The following PALLD variants were observed in gnomAD, a reference collection of about 807,000 sequenced individuals.
The protein encoded by PALLD is palladin.
Under a neutral mutation model 123.5 loss-of-function variants are expected in PALLD, and 61 were observed. The observed-to-expected ratio is 0.49, with a 90% confidence interval of 0.40 to 0.61. PALLD has a LOEUF of 0.61. PALLD is among the 20% of genes least tolerant of loss of function. The pLI is 0.00. For synonymous variants in PALLD, 465 were observed against 496.4 expected (o/e 0.94, Z 0.84); for missense variants, 1,273 against 1,377.0 (o/e 0.92, Z 1.20).
intron 10 of PALLD, among the ~76,000 whole-genome samples, chr4:168,850,767 G>A (rs1297685249): frequency 6.6e-6 from 1 of 151,612 alleles, no homozygotes. Flanking sequence ...CCTGACCTCA[G>A]GTGATCCGCC....
At chr4:168,563,780 G>T (rs1768091657) in intron 2 of PALLD, among the ~76,000 whole-genome samples, 1 of 152,130 alleles carries the variant, frequency 6.6e-6, no homozygotes, top group South Asian at 2.1e-4. Context: ...CTTTCTCAAG[G>T]CATTGATTGT....
chr4:168,918,338 A>ATATATT (rs1488154246), intron 17 of PALLD, among the ~76,000 whole-genome samples: 14 of 151,492 alleles, frequency 9.2e-5, no homozygotes, highest in African/African-American at 3.4e-4. Context: ...ATATATATAT[A>ATATATT]TACATACATA....
At chr4:168,736,727 T>C (rs1581209183) in intron 10 of PALLD, among the ~76,000 whole-genome samples, 1 of 152,122 alleles carries the variant, frequency 6.6e-6, no homozygotes, top group Non-Finnish European at 1.5e-5. Context: ...GTGAGGGAGC[T>C]AACAAGCGGA....
intron 6 of PALLD, among the ~76,000 whole-genome samples, chr4:168,688,092 G>T (rs565966769): frequency 4.6e-5 from 7 of 152,256 alleles, no homozygotes; most frequent in African/African-American, 1.7e-4. Flanking sequence ...TCTCTGATTT[G>T]CAGGGTCCTT....
intron 3 of PALLD, among the ~76,000 whole-genome samples, chr4:168,671,308 C>A (rs146239133): frequency 6.6e-6 from 1 of 152,298 alleles, no homozygotes; most frequent in East Asian, 1.9e-4. Context: ...CCTTTCAAAT[C>A]ATCTGCCTCA....
At chr4:168,907,160 TG>T (rs1354545745) in intron 15 of PALLD, among the ~76,000 whole-genome samples, 2 of 152,032 alleles carry the variant, frequency 1.3e-5, no homozygotes, top group Non-Finnish European at 2.9e-5. Flanking sequence ...AAATAGTACA[TG>T]TAAAAAGCAT....
chr4:168,785,850 T>G (rs866322091), intron 10 of PALLD, among the ~76,000 whole-genome samples: 29 of 114,574 alleles, frequency 2.5e-4, no homozygotes, highest in East Asian at 4.2e-4. Flanking sequence ...TGTAGAGATA[T>G]ATATATATAT....
intron 3 of PALLD, among the ~76,000 whole-genome samples, chr4:168,678,781 G>A (rs934192946): frequency 2.6e-5 from 4 of 151,884 alleles, no homozygotes; most frequent in African/African-American, 9.7e-5. Flanking sequence ...GTATGTGTGT[G>A]TGTGTGTGTG....
chr4:168,840,612 A>C (rs1233517817), intron 10 of PALLD, among the ~76,000 whole-genome samples: 3 of 152,204 alleles, frequency 2.0e-5, no homozygotes, highest in African/African-American at 7.2e-5. Context: ...GACTCAGGGT[A>C]CAAATGAACA....
intron 3 of PALLD, among the ~76,000 whole-genome samples, chr4:168,675,545 A>T (rs1266431708): frequency 2.0e-5 from 3 of 152,178 alleles, no homozygotes; most frequent in Admixed American, 6.5e-5. Context: ...AACTTTGGCC[A>T]TTCTTCGTGT....
chr4:168,777,355 C>A (rs1735308984), intron 10 of PALLD, among the ~76,000 whole-genome samples: 1 of 152,120 alleles, frequency 6.6e-6, no homozygotes, highest in Admixed American at 6.6e-5. Flanking sequence ...GCTCCATTGT[C>A]CAGTCTTGAC....
intron 2 of PALLD, among the ~76,000 whole-genome samples, chr4:168,532,487 GA>G (rs1470153493): frequency 6.6e-6 from 1 of 151,750 alleles, no homozygotes; most frequent in African/African-American, 2.4e-5. Flanking sequence ...GTTATCTCAA[GA>G]AAAAACTTTA....
In PALLD at chr4:168,890,914, T is replaced by C. The variant is rs1374341509; in HGVS notation, c.1965-8T>C. 4 of 1,613,884 alleles carry C rather than the reference T, an allele frequency of 2.5e-6. No individual in the cohort carries two copies. The highest frequency in any genetic ancestry group is 3.4e-6 in the Non-Finnish European group (4 of 1,179,912). ...CTAACTATACTGCCTTGTGTTTTTA[T>C]CCTGCAGAGGATTTCCAAAGAAGGC... On this transcript the variant is annotated splice_region_variant and splice_polypyrimidine_tract_variant and intron_variant, in intron 10 of 21. Coordinates refer to ENST00000505667, the MANE Select transcript of PALLD (RefSeq NM_001166108.2).
At chr4:168,847,822 C>A (rs1452178807) in intron 10 of PALLD, among the ~76,000 whole-genome samples, 1 of 152,010 alleles carries the variant, frequency 6.6e-6, no homozygotes, top group Non-Finnish European at 1.5e-5. Context: ...TCCAGTTATA[C>A]TCTTATACTT....
At chr4:168,604,409 C>T (rs1156844532) in intron 2 of PALLD, among the ~76,000 whole-genome samples, 3 of 152,186 alleles carry the variant, frequency 2.0e-5, no homozygotes, top group Non-Finnish European at 4.4e-5. Flanking sequence ...CTCATAAAAT[C>T]TCATACATGG....
At chr4:168,514,192 G>A (rs1213041781) in intron 2 of PALLD, among the ~76,000 whole-genome samples, 1 of 152,126 alleles carries the variant, frequency 6.6e-6, no homozygotes, top group Non-Finnish European at 1.5e-5. Context: ...GCTAAAGATT[G>A]AATTGAAACA....
Position 168,894,606 on chromosome 4 carries a change from C to G in PALLD, c.2128C>G (p.Arg710Gly). The G allele has an allele frequency of 6.2e-7, 1 of 1,613,226 alleles. No individual in the cohort carries two copies. The highest frequency in any genetic ancestry group is 1.1e-5 in the South Asian group (1 of 91,022). ...GTTAACATACGAAGAAAGAATGGCTCGTCGACTGCTAGGTGCTGACAGTGC... is the reference window on the plus strand; with the variant it reads ...GTTAACATACGAAGAAAGAATGGCTGGTCGACTGCTAGGTGCTGACAGTGC... ...PRLTYEERMA[R>G]RLLGADSATV... Residue 710 changes from arginine to glycine, a missense_variant, in exon 12 of 22, where the codon CGT becomes GGT. Physicochemically the swap from Arg to Gly is moderately radical, Grantham distance 125. This residue lies in a region of PALLD where 944 missense variants were observed against 954.5 expected (regional missense o/e 0.99). Coordinates refer to ENST00000505667, the MANE Select transcript of PALLD (RefSeq NM_001166108.2).
intron 10 of PALLD, among the ~76,000 whole-genome samples, chr4:168,806,269 G>A (rs1192048298): frequency 1.3e-5 from 2 of 152,154 alleles, no homozygotes; most frequent in African/African-American, 4.8e-5. Flanking sequence ...TCACCACATT[G>A]GTCAGGCTGG....
intron 17 of PALLD, among the ~76,000 whole-genome samples, chr4:168,921,217 C>A (rs1761419031): frequency 6.6e-6 from 1 of 151,806 alleles, no homozygotes; most frequent in Admixed American, 6.6e-5. Flanking sequence ...ACCAGCCCGG[C>A]CAACATAGTG....
Sources: allele counts gnomAD v4.1 joint callset (sites outside exome capture counted in the v4.1 genomes callset), GRCh38; gene constraint gnomAD v4.1.1; regional missense constraint gnomAD v4.1.1; transcripts MANE v1.5; gene names NCBI Gene and HGNC (gene_info 2026-07-23, HGNC 2026-07-21).